Variants in DBNDD1 observed in about 807,000 individuals in gnomAD.
DBNDD1 encodes dysbindin domain containing 1.
In DBNDD1, 14 loss-of-function variants were observed where a neutral mutation model predicts 17.0. That is an observed-to-expected ratio of 0.82 (90% CI 0.54 to 1.29). The LOEUF (loss-of-function observed/expected upper bound fraction) is 1.29. DBNDD1 is among the 50% of genes most tolerant of loss of function. The pLI is 0.00. For missense variants in DBNDD1, 221 were observed against 216.2 expected (o/e 1.02, Z -0.14); for synonymous variants, 105 against 102.0 (o/e 1.03, Z -0.18).
chr16:90,011,603 G>A (rs2035556167), intron 1 of DBNDD1: 1 of 452,296 alleles, frequency 2.2e-6, no homozygotes, highest in Non-Finnish European at 4.4e-6. Context: ...GAGAAGCCGA[G>A]TGCTGTGTCA....
intron 1 of DBNDD1, chr16:90,009,759 C>T: frequency 3.0e-6 from 2 of 660,508 alleles, no homozygotes; most frequent in Non-Finnish European, 2.6e-6. Context: ...TGGCTGCATT[C>T]CAGTGCCGTC....
rs374229138 is a variant in DBNDD1 at position 90,017,391 on chromosome 16, A to T, written c.31+1920T>A. Among the ~76,000 whole-genome samples, 4 of 151,868 alleles carry T rather than the reference A, an allele frequency of 2.6e-5. No homozygotes were observed. In the East Asian group the frequency reaches 7.8e-4, roughly 29 times the overall value. Reference sequence around the variant, plus strand: ...GCGCCTGTAGTCCCAGCCACTGGGGAGGCTGAGGCAGGAGAATGGCGTGAA... The same window carrying T: ...GCGCCTGTAGTCCCAGCCACTGGGGTGGCTGAGGCAGGAGAATGGCGTGAA... On this transcript the variant is annotated intron_variant, in intron 1 of 3. Coordinates refer to ENST00000002501, the MANE Select transcript of DBNDD1 (RefSeq NM_001042610.3).
At chr16:90,016,290 G>A (rs1032358124) in intron 1 of DBNDD1, among the ~76,000 whole-genome samples, 1 of 152,214 alleles carries the variant, frequency 6.6e-6, no homozygotes, top group African/African-American at 2.4e-5. Flanking sequence ...GAGGGACTGC[G>A]CTAGGAATCA....
chr16:90,019,227 G>T lies in DBNDD1; in HGVS notation c.31+84C>A. On this transcript the variant is annotated intron_variant, in intron 1 of 3. Transcript: ENST00000002501. This position sits in a 1 kb window ranked among gnomAD's most constrained non-coding sequence, Gnocchi z 6.1. The stretch of plus-strand genomic sequence containing the variant: ...GGTCTTCGCGACTCCCGGGAGCGGC[G>T]AAGGGTGAGCCCTGGGGGGAGGGGC... 1.4e-6 allele frequency: 1 copy of T among 701,054 alleles called. No individual in the cohort carries two copies. Among genetic ancestry groups the T allele is most frequent in the Non-Finnish European group, 2.0e-6 (1 of 509,804 alleles). 43.4% of individuals were successfully genotyped at this position (701,054 alleles called of 1,614,324 possible). A position where few individuals can be genotyped will look rare whatever the true frequency, so the allele number is the denominator to read the frequency against.
intron 1 of DBNDD1, among the ~76,000 whole-genome samples, chr16:90,014,725 C>T (rs895825717): frequency 3.9e-5 from 6 of 151,972 alleles, no homozygotes; most frequent in Non-Finnish European, 8.8e-5. Context: ...ATCCTTTCGG[C>T]CGGGCGCGGT....
chr16:90,010,056 A>AT (rs772699404), intron 1 of DBNDD1: 78 of 1,611,726 alleles, frequency 4.8e-5, no homozygotes, highest in African/African-American at 2.4e-4. Flanking sequence ...ATGTTTATTT[A>AT]TTTTTTTTAG....
At chr16:90,006,971 G>C (rs1489086947) in intron 3 of DBNDD1, 1 of 156,556 alleles carries the variant, frequency 6.4e-6, no homozygotes, top group Non-Finnish European at 1.4e-5. Context: ...GCCCCATCAT[G>C]GGCCTTGTGA....
intron 3 of DBNDD1, among the ~76,000 whole-genome samples, chr16:90,008,138 G>C (rs28437839): frequency 1.0e-4 from 5 of 48,306 alleles, no homozygotes; most frequent in Admixed American, 3.1e-4. Context: ...AGCCCACCAC[G>C]CACACCTCCC....
Position 90,008,943 on chromosome 16 carries a change from C to G in DBNDD1, c.179-19G>C, listed in dbSNP as rs75538016. 2.5e-5 allele frequency: 38 copies of G among 1,536,850 alleles called. No homozygotes were observed. In the African/African-American group the frequency reaches 2.9e-4, roughly 12 times the overall value. ...AGAGGCTCTGAGGGCAGAGGGGGTACAGTCAGCCCTCAGGCCCTCCCACAA... is the reference window on the plus strand; with the variant it reads ...AGAGGCTCTGAGGGCAGAGGGGGTAGAGTCAGCCCTCAGGCCCTCCCACAA... On this transcript the variant is annotated intron_variant, in intron 2 of 3. Transcript: ENST00000002501.
intron 1 of DBNDD1, among the ~76,000 whole-genome samples, chr16:90,014,351 T>C (rs2035604312): frequency 6.6e-6 from 1 of 152,030 alleles, no homozygotes; most frequent in South Asian, 2.1e-4. Context: ...GGTCTTGAAC[T>C]CCTGACCTCA....
chr16:90,016,945 T>A (rs547021306), intron 1 of DBNDD1, among the ~76,000 whole-genome samples: 75 of 152,324 alleles, frequency 4.9e-4, no homozygotes, highest in African/African-American at 1.7e-3. Context: ...CTCTCTGGAT[T>A]TGGACCCCCA....
At chr16:90,012,590 G>C (rs1314894296) in intron 1 of DBNDD1, among the ~76,000 whole-genome samples, 1 of 151,890 alleles carries the variant, frequency 6.6e-6, no homozygotes, top group African/African-American at 2.4e-5. Flanking sequence ...CTTCCGAGTA[G>C]CTGGGATTAC....
chr16:90,006,695 G>A (rs2035434715), intron 3 of DBNDD1: 1 of 690,994 alleles, frequency 1.4e-6, no homozygotes, highest in African/African-American at 1.8e-5. Context: ...TGTGGTCTGG[G>A]TGGGGCCTGG....
intron 1 of DBNDD1, among the ~76,000 whole-genome samples, chr16:90,018,122 G>C (rs1160179580): frequency 1.3e-5 from 2 of 152,200 alleles, no homozygotes; most frequent in Non-Finnish European, 2.9e-5. Flanking sequence ...ACAGGGGCCT[G>C]ACTGCCCACA....
Position 90,006,262 on chromosome 16 carries a change from G to C in DBNDD1, c.*73C>G. The C allele has an allele frequency of 2.0e-6, 3 of 1,507,770 alleles. No individual in the cohort carries two copies. The highest frequency in any genetic ancestry group is 2.7e-6 in the Non-Finnish European group (3 of 1,121,492). The allele number at this position is 1,507,770 out of a possible 1,614,324, so 93.4% of individuals were successfully genotyped here. On this transcript the variant is annotated 3_prime_UTR_variant, in exon 4 of 4. Transcript: ENST00000002501. ...CGTGGGCGGGTGAAGTGTGTCTGCT[G>C]GGTCAGCACTGCCCAGATCTGCCAT...
Position 90,015,550 on chromosome 16 carries a change from C to G in DBNDD1, c.31+3761G>C, listed in dbSNP as rs117127353. On this transcript the variant is annotated intron_variant, in intron 1 of 3. Coordinates refer to ENST00000002501, the MANE Select transcript of DBNDD1 (RefSeq NM_001042610.3). ...CTAACACTTAACGTTGTTCAAGAGT[C>G]AGCTGCACATGCATGTTCATAGCGT... 3.9e-4 allele frequency among the ~76,000 whole-genome samples: 60 copies of G among 152,270 alleles called. 1 individual carries two copies. The East Asian group carries it at 0.012, about 29-fold the overall frequency.
chr16:90,009,883 G>A (rs933826973), intron 1 of DBNDD1: 35 of 1,475,626 alleles, frequency 2.4e-5, no homozygotes, highest in Non-Finnish European at 3.1e-5. Flanking sequence ...ACTGTGGACT[G>A]ACTTTTCCTT....
chr16:90,007,677 T>A (rs11076654), intron 3 of DBNDD1: 7,861 of 152,386 alleles, frequency 0.052, 286 homozygotes, highest in East Asian at 0.15. Flanking sequence ...TCTTGGCCCA[T>A]TTTATGATGA....
chr16:90,009,947 A>C, intron 1 of DBNDD1: 12 of 1,612,392 alleles, frequency 7.4e-6, no homozygotes, highest in Non-Finnish European at 1.0e-5. Flanking sequence ...ATTAAATGAA[A>C]GTTACAAACC....
Sources: allele counts gnomAD v4.1 joint callset (sites outside exome capture counted in the v4.1 genomes callset), GRCh38; gene constraint gnomAD v4.1.1; non-coding constraint Gnocchi (gnomAD v3.1); transcripts MANE v1.5; gene names NCBI Gene and HGNC (gene_info 2026-07-23, HGNC 2026-07-21).